CSMD1: variants seen among roughly 807,000 people sequenced by gnomAD.
CSMD1 encodes CUB and Sushi multiple domains 1, also known as CUB and sushi domain-containing protein 1.
A neutral mutation model predicts 417.5 loss-of-function variants in CSMD1; 213 were observed. The ratio of observed to expected loss-of-function variants is 0.51; its 90% CI spans 0.46 to 0.57. The LOEUF is 0.57. Ranked by LOEUF, CSMD1 falls within the 20% of genes least tolerant of loss-of-function variation. The probability of loss-of-function intolerance (pLI) is 0.00; values close to 1 mark genes in which losing one functional copy is unlikely to be tolerated. For synonymous variants in CSMD1, 2,862 were observed against 1,736.8 expected (o/e 1.65, Z -16.11); for missense variants, 6,923 against 4,529.7 (o/e 1.53, Z -15.17).
chr8:4,008,275 T>C (rs1191731050), intron 4 of CSMD1, among the ~76,000 whole-genome samples: 1 of 152,182 alleles, frequency 6.6e-6, no homozygotes, highest in Non-Finnish European at 1.5e-5. Flanking sequence ...TATTAAAATA[T>C]GTAATTATTA....
intron 1 of CSMD1, among the ~76,000 whole-genome samples, chr8:4,819,922 A>G (rs1799425480): frequency 6.6e-6 from 1 of 152,184 alleles, no homozygotes; most frequent in Non-Finnish European, 1.5e-5. Context: ...CATTTATGTT[A>G]TCATAAGTAA....
chr8:3,298,142 G>C (rs940106939), intron 25 of CSMD1, among the ~76,000 whole-genome samples: 2 of 152,164 alleles, frequency 1.3e-5, no homozygotes, highest in Non-Finnish European at 2.9e-5. Flanking sequence ...CTCTCAGGGA[G>C]TGAGGGTAAG....
intron 26 of CSMD1, among the ~76,000 whole-genome samples, chr8:3,273,451 T>G (rs894613872): frequency 4.0e-5 from 6 of 151,602 alleles, no homozygotes; most frequent in African/African-American, 7.3e-5. Context: ...CCTCATAAAA[T>G]GAGTTAGGGA....
chr8:4,949,057 C>T (rs1177889298), intron 1 of CSMD1, among the ~76,000 whole-genome samples: 15 of 151,984 alleles, frequency 9.9e-5, no homozygotes, highest in Admixed American at 9.8e-4. Flanking sequence ...TAACAAATGC[C>T]TTTTTGGCTT....
chr8:3,023,483 C>G (rs954985091), intron 51 of CSMD1, among the ~76,000 whole-genome samples: 3 of 152,128 alleles, frequency 2.0e-5, no homozygotes, highest in African/African-American at 7.2e-5. Context: ...GTAGCCGCCT[C>G]TACATATTCA....
intron 5 of CSMD1, among the ~76,000 whole-genome samples, chr8:3,953,367 C>T (rs1232638398): frequency 1.3e-5 from 2 of 152,084 alleles, no homozygotes; most frequent in South Asian, 2.1e-4. Context: ...CCATATAATG[C>T]AAGTTAGGTG....
At chr8:3,048,063 A>G (rs1389804911) in intron 50 of CSMD1, among the ~76,000 whole-genome samples, 1 of 152,210 alleles carries the variant, frequency 6.6e-6, no homozygotes, top group Non-Finnish European at 1.5e-5. Flanking sequence ...ATTGCTTACA[A>G]TAAAATTTCA....
At chr8:3,994,585 T>G (rs963047502) in intron 5 of CSMD1, among the ~76,000 whole-genome samples, 3 of 151,868 alleles carry the variant, frequency 2.0e-5, no homozygotes, top group African/African-American at 7.3e-5. Flanking sequence ...AAGGGATTGA[T>G]AGGAAGCCAA....
At position 3,307,786 on chromosome 8, in the gene CSMD1, C is replaced by G. The variant is rs774773065; in HGVS notation, c.3859G>C (p.Gly1287Arg). Residue 1287 changes from glycine to arginine, a missense_variant, in exon 25 of 70, where the codon GGA becomes CGA. Gly to Arg is a moderately radical substitution (Grantham distance 125). Coordinates refer to ENST00000635120, the MANE Select transcript of CSMD1 (RefSeq NM_033225.6). ...GGATAGCCAGGGGACAATATTCGTCCTGATGTGGCTGCATGGATCTGACCA... is the reference window on the plus strand; with the variant it reads ...GGATAGCCAGGGGACAATATTCGTCGTGATGTGGCTGCATGGATCTGACCA... Reference protein sequence around the residue: ...CGGQIHAATSGRILSPGYPAP... With the variant: ...CGGQIHAATSRRILSPGYPAP... 1 of 1,613,630 alleles carries G rather than the reference C, an allele frequency of 6.2e-7. No individual in the cohort carries two copies. Among genetic ancestry groups the G allele is most frequent in the Non-Finnish European group, 8.5e-7 (1 of 1,179,668 alleles).
chr8:4,434,324 C>T (rs910088578), intron 2 of CSMD1, among the ~76,000 whole-genome samples: 3 of 152,126 alleles, frequency 2.0e-5, no homozygotes, highest in Non-Finnish European at 4.4e-5. Flanking sequence ...TGAGATTGCA[C>T]CATTACACTC....
At chr8:4,322,735 C>T (rs1240987278) in intron 3 of CSMD1, among the ~76,000 whole-genome samples, 1 of 152,182 alleles carries the variant, frequency 6.6e-6, no homozygotes, top group African/African-American at 2.4e-5. Context: ...GGGCTCGTGC[C>T]TGTAATACCA....
At chr8:4,007,586 A>C (rs1264024046) in intron 4 of CSMD1, among the ~76,000 whole-genome samples, 1 of 152,070 alleles carries the variant, frequency 6.6e-6, no homozygotes, top group Non-Finnish European at 1.5e-5. Context: ...TGCTGAGTGC[A>C]AAGCAATGGA....
At chr8:4,231,890 G>C (rs967482811) in intron 3 of CSMD1, among the ~76,000 whole-genome samples, 2 of 151,962 alleles carry the variant, frequency 1.3e-5, no homozygotes, top group Non-Finnish European at 1.5e-5. Flanking sequence ...TAATACTTGT[G>C]TTTTACTAAA....
At chr8:3,955,577 G>T (rs974713436) in intron 5 of CSMD1, among the ~76,000 whole-genome samples, 1 of 152,080 alleles carries the variant, frequency 6.6e-6, no homozygotes, top group Non-Finnish European at 1.5e-5. Context: ...TTCCATAGGA[G>T]ATTGGTGCTA....
chr8:4,554,942 G>A (rs1798024081), intron 2 of CSMD1, among the ~76,000 whole-genome samples: 1 of 152,162 alleles, frequency 6.6e-6, no homozygotes, highest in South Asian at 2.1e-4. Context: ...ATTCCTGTGG[G>A]ATGGAGTAAG....
At chr8:4,180,247 A>G (rs893645288) in intron 3 of CSMD1, among the ~76,000 whole-genome samples, 21 of 152,150 alleles carry the variant, frequency 1.4e-4, no homozygotes, top group Non-Finnish European at 2.6e-4. Context: ...CTATGCAGCA[A>G]TAAAAAATGA....
At chr8:4,105,091 G>A (rs1006299949) in intron 3 of CSMD1, among the ~76,000 whole-genome samples, 5 of 152,162 alleles carry the variant, frequency 3.3e-5, no homozygotes, top group African/African-American at 1.2e-4. Flanking sequence ...GACAGCAAGG[G>A]AGGGTTTTAA....
intron 7 of CSMD1, among the ~76,000 whole-genome samples, chr8:3,697,572 A>C (rs1377398137): frequency 2.0e-5 from 3 of 152,140 alleles, no homozygotes; most frequent in South Asian, 2.1e-4. Flanking sequence ...TGCTCATGTA[A>C]GATGATTTTA....
chr8:4,946,691 C>T (rs1409015001), intron 1 of CSMD1, among the ~76,000 whole-genome samples: 1 of 152,182 alleles, frequency 6.6e-6, no homozygotes, highest in African/African-American at 2.4e-5. Flanking sequence ...TTGTATTATT[C>T]ACTCACTCTC....
Sources: gnomAD v4.1 joint callset for allele counts (sites outside exome capture counted in the v4.1 genomes callset) on GRCh38, gnomAD v4.1.1 for gene constraint, MANE v1.5 for transcripts, NCBI Gene and HGNC (gene_info 2026-07-23, HGNC 2026-07-21) for gene names.